Variants in COL5A2 observed in about 807,000 individuals in gnomAD.
COL5A2 encodes the protein collagen alpha-2(V) chain.
A neutral mutation model predicts 208.2 loss-of-function variants in COL5A2; 23 were observed. The ratio of observed to expected loss-of-function variants is 0.11; its 90% CI spans 0.08 to 0.16. The LOEUF is 0.16. Among genes scored for constraint, COL5A2 ranks in the 10% least tolerant of loss-of-function variants. The probability of loss-of-function intolerance (pLI) is 1.00; values close to 1 mark genes in which losing one functional copy is unlikely to be tolerated. For missense variants in COL5A2, 1,590 were observed against 1,956.4 expected, an observed-to-expected ratio of 0.81 and a Z score of 3.53; for synonymous variants, 625 against 628.5, an observed-to-expected ratio of 0.99 and a Z score of 0.08.
At chr2:189,117,455 T>G (rs1687414858) in intron 1 of COL5A2, among the ~76,000 whole-genome samples, 1 of 152,188 alleles carries the variant, frequency 6.6e-6, no homozygotes, top group Non-Finnish European at 1.5e-5. Context: ...CCTACCTAAA[T>G]ACATGAAACA....
At chr2:189,142,366 T>C (rs1246446963) in intron 1 of COL5A2, among the ~76,000 whole-genome samples, 1 of 152,088 alleles carries the variant, frequency 6.6e-6, no homozygotes, top group African/African-American at 2.4e-5. Flanking sequence ...ACCATAATTA[T>C]AAATTTTTTA....
intron 41 of COL5A2, 53 bp from the exon 42 acceptor site, chr2:189,051,534 G>A (rs1351700487): frequency 1.3e-6 from 2 of 1,537,298 alleles, no homozygotes; most frequent in Non-Finnish European, 1.8e-6. Context: ...AGGCAAGTAA[G>A]AGTGATTGAC....
intron 30 of COL5A2, among the ~76,000 whole-genome samples, chr2:189,061,128 G>GT (rs908473324): frequency 4.6e-5 from 7 of 151,838 alleles, no homozygotes; most frequent in East Asian, 1.9e-4. Flanking sequence ...AGTCCAGAAA[G>GT]TTTTTTTTAC....
At chr2:189,251,245 G>A in the COL5A2 span, among the ~76,000 whole-genome samples, 2 of 152,250 alleles carry the variant, frequency 1.3e-5, no homozygotes, top group East Asian at 3.9e-4. Flanking sequence ...CTGATGAAAA[G>A]GAGAGAGTGC....
chr2:189,251,328 T>C, the COL5A2 span, among the ~76,000 whole-genome samples: 6 of 152,118 alleles, frequency 3.9e-5, no homozygotes, highest in African/African-American at 1.4e-4. Flanking sequence ...ATACTCAAAA[T>C]GTACACTAGA....
chr2:189,280,750 T>G, the COL5A2 span, among the ~76,000 whole-genome samples: 1 of 152,092 alleles, frequency 6.6e-6, no homozygotes, highest in Non-Finnish European at 1.5e-5. Flanking sequence ...GTTCATAGCC[T>G]TAATAACTTC....
At chr2:189,401,376 C>T in the COL5A2 span, among the ~76,000 whole-genome samples, 1 of 152,204 alleles carries the variant, frequency 6.6e-6, no homozygotes, top group Admixed American at 6.5e-5. Flanking sequence ...CCATCCACGT[C>T]CCTGCAAATA....
intron 1 of COL5A2, among the ~76,000 whole-genome samples, chr2:189,176,715 A>T (rs928426886): frequency 1.3e-5 from 2 of 151,964 alleles, no homozygotes; most frequent in Admixed American, 1.3e-4. Context: ...ACGCACACAC[A>T]CACGCACACA....
intron 22 of COL5A2, 59 bp downstream of exon 22, chr2:189,066,670 A>G: frequency 7.0e-7 from 1 of 1,424,976 alleles, no homozygotes. Flanking sequence ...GAGCATTTTG[A>G]GCTGTACACT....
intron 12 of COL5A2, 66 bp from the exon 13 acceptor site, chr2:189,081,109 T>C (rs937730327): frequency 7.3e-7 from 1 of 1,362,710 alleles, no homozygotes; most frequent in African/African-American, 1.4e-5. Context: ...CCTTAATATA[T>C]CATTTTTTCC....
chr2:189,041,364 A>G (rs1020612594), intron 50 of COL5A2, among the ~76,000 whole-genome samples: 1 of 152,284 alleles, frequency 6.6e-6, no homozygotes, highest in African/African-American at 2.4e-5. Flanking sequence ...TGTTAGTATC[A>G]CATTATGTTA....
At position 189,061,516 on chromosome 2, in the gene COL5A2, A is replaced by G. The variant is rs781129003; in HGVS notation, c.2031+46T>C. ...ATCTTTTTTTTTAAAAAAAAAAAGCATTTTAGTTAATGGAAGATGAAATGG... is the reference window on the plus strand; with the variant it reads ...ATCTTTTTTTTTAAAAAAAAAAAGCGTTTTAGTTAATGGAAGATGAAATGG... On this transcript the variant is annotated intron_variant, in intron 30 of 53. Transcript: ENST00000374866. 16 of 1,380,732 alleles carry G rather than the reference A, an allele frequency of 1.2e-5. No individual in the cohort carries two copies. The East Asian group carries it at 2.8e-4, about 24-fold the overall frequency. The allele number at this position is 1,380,732 out of a possible 1,614,324, so 85.5% of individuals were successfully genotyped here.
the COL5A2 span, among the ~76,000 whole-genome samples, chr2:189,367,902 T>C: frequency 8.0e-4 from 122 of 152,336 alleles, no homozygotes; most frequent in African/African-American, 2.8e-3. Flanking sequence ...TCTGTTTTTA[T>C]GGCAGTCTTT....
intron 1 of COL5A2, among the ~76,000 whole-genome samples, chr2:189,116,266 T>C (rs1040934916): frequency 6.6e-6 from 1 of 152,224 alleles, no homozygotes; most frequent in Non-Finnish European, 1.5e-5. Flanking sequence ...ATGCCACAGA[T>C]GCTGCCTTTA....
chr2:189,330,656 T>C, the COL5A2 span, among the ~76,000 whole-genome samples: 71 of 152,174 alleles, frequency 4.7e-4, no homozygotes, highest in African/African-American at 1.3e-3. Flanking sequence ...GTCTTACCAA[T>C]GCTCAGGTCC....
the COL5A2 span, among the ~76,000 whole-genome samples, chr2:189,296,064 T>G: frequency 1.5e-3 from 235 of 152,220 alleles, no homozygotes; most frequent in African/African-American, 5.2e-3. Flanking sequence ...CTCATTCTCT[T>G]CTCTTCTGAG....
At chr2:189,222,673 C>A (rs533444483) in intron 1 of COL5A2, among the ~76,000 whole-genome samples, 64 of 152,252 alleles carry the variant, frequency 4.2e-4, no homozygotes, top group African/African-American at 1.5e-3. Context: ...CTTGAGAAAG[C>A]ACTTAAGGGC....
At chr2:189,432,033 C>A in the COL5A2 span, among the ~76,000 whole-genome samples, 1 of 152,040 alleles carries the variant, frequency 6.6e-6, no homozygotes, top group Non-Finnish European at 1.5e-5. Context: ...AAAGAGTGGG[C>A]GACAGTATTC....
the COL5A2 span, among the ~76,000 whole-genome samples, chr2:189,407,329 T>TG: frequency 1.3e-5 from 2 of 151,988 alleles, no homozygotes; most frequent in Admixed American, 6.6e-5. Context: ...CTTAAGAATA[T>TG]GGGGGAGGTG....
Sources: allele counts gnomAD v4.1 joint callset (sites outside exome capture counted in the v4.1 genomes callset), GRCh38; gene constraint gnomAD v4.1.1; transcripts MANE v1.5; gene names NCBI Gene and HGNC (gene_info 2026-07-23, HGNC 2026-07-21).